TAB2: variants seen among roughly 807,000 people sequenced by gnomAD.
TAB2 encodes TGF-beta activated kinase 1 (MAP3K7) binding protein 2.
TAB2 carries 3 observed loss-of-function variants against 65.0 expected under a neutral mutation model. The observed-to-expected ratio is 0.05, with a 90% CI of 0.02 to 0.12. The LOEUF is 0.12. TAB2 is among the 10% of genes least tolerant of loss of function. The pLI, the probability that TAB2 is intolerant of heterozygous loss-of-function variation, is 1.00. For missense variants in TAB2, 623 were observed against 840.3 expected (o/e 0.74, Z 3.20); for synonymous variants, 298 against 285.1 (o/e 1.05, Z -0.46).
At chr6:149,312,526 C>T (rs1779182760) in intron 1 of TAB2, among the ~76,000 whole-genome samples, 1 of 152,182 alleles carries the variant, frequency 6.6e-6, no homozygotes, top group South Asian at 2.1e-4. Flanking sequence ...CCACGCCCGA[C>T]TAATTTTTGT....
chr6:149,401,444 AG>A (rs1391873990), intron 6 of TAB2, among the ~76,000 whole-genome samples: 2 of 152,160 alleles, frequency 1.3e-5, no homozygotes, highest in Non-Finnish European at 2.9e-5. Context: ...TAGATTTTTA[AG>A]TCTAAAACTT....
intron 1 of TAB2, among the ~76,000 whole-genome samples, chr6:149,287,915 A>G (rs1322226643): frequency 6.6e-6 from 1 of 152,174 alleles, no homozygotes; most frequent in Non-Finnish European, 1.5e-5. Context: ...ATCGTTTCTC[A>G]CTATATAGTA....
intron 1 of TAB2, among the ~76,000 whole-genome samples, chr6:149,365,776 A>G (rs1034791023): frequency 6.6e-6 from 1 of 151,752 alleles, no homozygotes; most frequent in African/African-American, 2.4e-5. Flanking sequence ...ACAGGTCCCT[A>G]AGGTTCTGTT....
At chr6:149,261,083 T>C (rs997438229) in intron 1 of TAB2, among the ~76,000 whole-genome samples, 4 of 152,182 alleles carry the variant, frequency 2.6e-5, no homozygotes, top group Admixed American at 1.3e-4. Flanking sequence ...TTTCTCCAAA[T>C]GGGCCTTTCA....
rs184948226 is a variant in TAB2, at chr6:149,259,276, G to T, written c.-121+40500G>T. 2.6e-5 allele frequency among the ~76,000 whole-genome samples: 4 copies of T among 151,714 alleles called. No individual in the cohort carries two copies. The East Asian group carries it at 7.8e-4, about 29-fold the overall frequency. ...GAAAGCCATAAATGGCCCTAGAAATGCTGACCACATCTGTTCACAGTGCAG... is the reference window on the plus strand; with the variant it reads ...GAAAGCCATAAATGGCCCTAGAAATTCTGACCACATCTGTTCACAGTGCAG... On this transcript the variant is annotated intron_variant, in intron 1 of 1. Coordinates refer to the TAB2 transcript ENST00000606202.
intron 1 of TAB2, among the ~76,000 whole-genome samples, chr6:149,273,927 T>C (rs1156915914): frequency 6.6e-6 from 1 of 152,192 alleles, no homozygotes; most frequent in Non-Finnish European, 1.5e-5. Flanking sequence ...CTAGAAAGGA[T>C]CAGCCCAAGA....
chr6:149,372,639 A>G (rs960279308), intron 2 of TAB2, among the ~76,000 whole-genome samples: 6 of 152,300 alleles, frequency 3.9e-5, no homozygotes, highest in Middle Eastern at 3.4e-3. Context: ...TGTTAATGAA[A>G]ATGAAATACT....
intron 1 of TAB2, among the ~76,000 whole-genome samples, chr6:149,337,579 T>C (rs536244767): frequency 3.9e-4 from 60 of 152,232 alleles, no homozygotes; most frequent in African/African-American, 1.1e-3. Flanking sequence ...TCAACCAGTT[T>C]AGAAAAAAGG....
intron 1 of TAB2, among the ~76,000 whole-genome samples, chr6:149,360,719 G>A (rs534893078): frequency 3.3e-5 from 5 of 152,128 alleles, no homozygotes; most frequent in East Asian, 1.9e-4. Flanking sequence ...TCATTTCAGC[G>A]TCACTCAAAA....
chr6:149,246,550 A>G lies in TAB2; in HGVS notation c.-121+27774A>G, dbSNP rs570406223. 2.0e-5 allele frequency: 3 copies of G among 152,256 alleles called. No homozygotes were observed. The East Asian group carries it at 5.8e-4, about 29-fold the overall frequency. 9.4% of individuals were successfully genotyped at this position (152,256 alleles called of 1,614,324 possible). ...CAGTTGAAATGTCAAAGAAATCCCAAGTTCACCGCAGGTGTTCCTGGACTG... is the reference window on the plus strand; with the variant it reads ...CAGTTGAAATGTCAAAGAAATCCCAGGTTCACCGCAGGTGTTCCTGGACTG... On this transcript the variant is annotated intron_variant, in intron 1 of 1. Coordinates refer to the TAB2 transcript ENST00000606202.
chr6:149,359,043 T>C (rs1438144381), intron 1 of TAB2, among the ~76,000 whole-genome samples: 1 of 152,146 alleles, frequency 6.6e-6, no homozygotes, highest in Non-Finnish European at 1.5e-5. Flanking sequence ...ATCTCCACAG[T>C]CATTTTAAAT....
At chr6:149,218,691 C>G (rs1436863915) in exon 1 of TAB2, 2 of 453,174 alleles carry the variant, frequency 4.4e-6, no homozygotes, top group Admixed American at 4.7e-5. Flanking sequence ...TAAACACCAT[C>G]TGATCCAGTT....
At chr6:149,407,197 A>G (rs1782694481) in intron 6 of TAB2, among the ~76,000 whole-genome samples, 1 of 152,264 alleles carries the variant, frequency 6.6e-6, no homozygotes. Context: ...TGAATAAAGC[A>G]GTAGAGATGA....
intron 6 of TAB2, among the ~76,000 whole-genome samples, chr6:149,406,976 CA>C (rs1171725654): frequency 6.6e-6 from 1 of 152,234 alleles, no homozygotes; most frequent in African/African-American, 2.4e-5. Flanking sequence ...CTCGGCCTCC[CA>C]AAGTGCTGGG....
intron 1 of TAB2, among the ~76,000 whole-genome samples, chr6:149,289,259 G>T (rs1181048863): frequency 6.6e-6 from 1 of 152,070 alleles, no homozygotes; most frequent in Non-Finnish European, 1.5e-5. Flanking sequence ...AGAGTGCAGT[G>T]GCTCATGCCT....
intron 1 of TAB2, among the ~76,000 whole-genome samples, chr6:149,262,983 T>C (rs1171366010): frequency 1.3e-5 from 2 of 151,978 alleles, no homozygotes; most frequent in Non-Finnish European, 2.9e-5. Flanking sequence ...TTTTTTATTT[T>C]TTATAGAGGT....
At chr6:149,236,049 A>C (rs548203982) in intron 1 of TAB2, among the ~76,000 whole-genome samples, 1 of 152,330 alleles carries the variant, frequency 6.6e-6, no homozygotes, top group East Asian at 1.9e-4. Context: ...CTTTCTAAAG[A>C]TTAAAGTGGT....
intron 1 of TAB2, among the ~76,000 whole-genome samples, chr6:149,323,918 A>AT (rs11441324): frequency 0.87 from 131,969 of 151,854 alleles, 57,439 homozygotes; most frequent in Middle Eastern, 0.97. Context: ...TACTCTTGTA[A>AT]TTTTTTTTCT....
intron 1 of TAB2, among the ~76,000 whole-genome samples, chr6:149,353,100 G>A (rs753856070): frequency 1.6e-4 from 24 of 152,036 alleles, no homozygotes; most frequent in Non-Finnish European, 2.9e-4. Flanking sequence ...ACAGTTACTG[G>A]TGGAGTATCT....
Sources: allele counts gnomAD v4.1 joint callset (sites outside exome capture counted in the v4.1 genomes callset), GRCh38; gene constraint gnomAD v4.1.1; transcripts MANE v1.5; gene names NCBI Gene and HGNC (gene_info 2026-07-23, HGNC 2026-07-21).